ATG3: variants seen among roughly 807,000 people sequenced by gnomAD.
ATG3 encodes the protein autophagy related 3.
ATG3 carries 25 observed loss-of-function variants against 50.7 expected under a neutral mutation model. The observed-to-expected ratio is 0.49, with a 90% CI of 0.36 to 0.69. The LOEUF is 0.69. Ranked by LOEUF, ATG3 falls within the 30% of genes least tolerant of loss-of-function variation. The pLI is 0.00. For synonymous variants in ATG3, 119 were observed against 125.5 expected (o/e 0.95, Z 0.34); for missense variants, 281 against 376.0 (o/e 0.75, Z 2.09).
In ATG3 at chr3:112,532,692, C is replaced by T; in HGVS notation, c.*7G>A. 1 of 1,557,166 alleles carries T rather than the reference C, an allele frequency of 6.4e-7. No homozygotes were observed. Among genetic ancestry groups the T allele is most frequent in the South Asian group, 1.2e-5 (1 of 83,162 alleles). ...CAATAATTAGGATAGATTTTATGCT[C>T]TCTTCATTACATTGTGAAGTGTCTT... On this transcript the variant is annotated 3_prime_UTR_variant, in exon 12 of 12. Transcript: ENST00000283290.
chr3:112,557,161 G>A (rs867966679), intron 2 of ATG3, among the ~76,000 whole-genome samples: 2 of 135,584 alleles, frequency 1.5e-5, no homozygotes, highest in East Asian at 2.1e-4. Context: ...TTTTTCAGAC[G>A]GAGTCTCGTT....
chr3:112,557,654 C>G (rs948948307), intron 2 of ATG3, among the ~76,000 whole-genome samples: 2 of 152,058 alleles, frequency 1.3e-5, no homozygotes, highest in Non-Finnish European at 2.9e-5. Context: ...AGATTTGGAA[C>G]TAGACAAATT....
intron 6 of ATG3, among the ~76,000 whole-genome samples, chr3:112,543,419 T>A (rs1485942777): frequency 6.6e-6 from 1 of 152,096 alleles, no homozygotes; most frequent in Non-Finnish European, 1.5e-5. Flanking sequence ...AAAAAAACTC[T>A]ACCCAATTAT....
At chr3:112,538,489 G>A in intron 7 of ATG3, 1 of 246,628 alleles carries the variant, frequency 4.1e-6, no homozygotes, top group East Asian at 8.1e-5. Flanking sequence ...GAATCCAGTG[G>A]TAAATTCCCA....
rs1308262548 is a variant in ATG3 at position 112,536,596 on chromosome 3, G to A, written c.673C>T (p.Gln225Ter). The change falls in exon 10 of 12, where the codon CAG becomes TAG. Residue 225 changes from glutamine (Q) to a stop codon, truncating the protein, a stop_gained. Transcript: ENST00000283290. LOFTEE classifies it high-confidence loss of function. ...LWLFGYDEQR[Q>*]PLTVEHMYED... ...TACATGTGCTCAACTGTTAAAGGCT[G>A]CCGTTGCTGAAAGCATAAAAAATGC... 2 of 1,613,990 alleles carry A rather than the reference G, an allele frequency of 1.2e-6. No homozygotes were observed. The highest frequency in any genetic ancestry group is 1.7e-6 in the Non-Finnish European group (2 of 1,179,922).
intron 11 of ATG3, chr3:112,533,127 A>C: frequency 2.0e-6 from 2 of 999,184 alleles, no homozygotes; most frequent in Non-Finnish European, 2.4e-6. Context: ...GAGTTATGTC[A>C]GAAAATGAGG....
intron 2 of ATG3, among the ~76,000 whole-genome samples, chr3:112,555,810 T>C (rs544698159): frequency 1.4e-4 from 21 of 152,360 alleles, no homozygotes; most frequent in Middle Eastern, 6.8e-3. Flanking sequence ...TGGGCTAATT[T>C]GGCCTTGGAT....
rs993056224 is a variant in ATG3, at chr3:112,536,959, A to G, written c.667-357T>C. ...AAAAAAAAAAAAAAAAAAAAAAAAA[A>G]AAAGAAATTACTATTTAGAAACTTT... is the stretch of plus-strand genomic sequence containing the variant. On this transcript the variant is annotated intron_variant, in intron 9 of 11. Coordinates refer to ENST00000283290, the MANE Select transcript of ATG3 (RefSeq NM_022488.5). Among the ~76,000 whole-genome samples, 61 of 128,134 alleles carry G rather than the reference A, an allele frequency of 4.8e-4. No individual in the cohort carries two copies. In the East Asian group the frequency reaches 0.012, roughly 24 times the overall value. The allele number at this position is 128,134 out of a possible 152,430, so 84.1% of individuals were successfully genotyped here. A position where few individuals can be genotyped will look rare whatever the true frequency, so the allele number is the denominator to read the frequency against.
chr3:112,532,777 A>C lies in ATG3; in HGVS notation c.867T>G (p.Tyr289Ter). The change falls in exon 12 of 12, where the codon TAT becomes TAG. Residue 289 changes from tyrosine to a stop codon, truncating the protein, a stop_gained. Coordinates refer to ENST00000283290, the MANE Select transcript of ATG3 (RefSeq NM_022488.5). LOFTEE classifies it high-confidence loss of function. ...GTACAAATTTCAAGAAAATAAGAAG[A>C]TACCTAAAGGTTTTTAGCTAAGGAA... ...EGGGELGVHM[Y>*]LLIFLKFVQA... 6.3e-7 allele frequency: 1 copy of C among 1,591,948 alleles called. No individual in the cohort carries two copies. The highest frequency in any genetic ancestry group is 8.6e-7 in the Non-Finnish European group (1 of 1,168,724).
At position 112,561,626 on chromosome 3, in the gene ATG3, G is replaced by C. The variant is rs1214478553; in HGVS notation, c.-98C>G. 2 of 1,257,904 alleles carry C rather than the reference G, an allele frequency of 1.6e-6. No homozygotes were observed. Among genetic ancestry groups the C allele is most frequent in the South Asian group, 1.3e-5 (1 of 77,126 alleles). 77.9% of individuals were successfully genotyped at this position (1,257,904 alleles called of 1,614,324 possible). A position where few individuals can be genotyped will look rare whatever the true frequency, so the allele number is the denominator to read the frequency against. ...AAAATGTCCTCGCTGCCACCGACTC[G>C]CATCAGCACCCGGCTGGCAGCACCC... On this transcript the variant is annotated 5_prime_UTR_variant, in exon 1 of 12. Coordinates refer to ENST00000283290, the MANE Select transcript of ATG3 (RefSeq NM_022488.5).
rs540455038 is a variant in ATG3 at position 112,545,232 on chromosome 3, A to C, written c.344-1126T>G. ...TCCATACAAGCTAACTTTTGGTTCA[A>C]TTCTCTTGCACTCTACGGGGCAAAT... is the stretch of plus-strand genomic sequence containing the variant. On this transcript the variant is annotated intron_variant, in intron 5 of 11. Transcript: ENST00000283290. Among the ~76,000 whole-genome samples the C allele has an allele frequency of 5.0e-4, 76 of 152,308 alleles. No homozygotes were observed. The Middle Eastern group carries it at 0.014, about 27-fold the overall frequency.
At chr3:112,555,580 A>G (rs1317037951) in intron 2 of ATG3, among the ~76,000 whole-genome samples, 1 of 152,242 alleles carries the variant, frequency 6.6e-6, no homozygotes, top group Non-Finnish European at 1.5e-5. Context: ...CTTTTTAAGC[A>G]CAATACTGCC....
chr3:112,558,106 A>G (rs1226741190), intron 2 of ATG3: 3 of 416,148 alleles, frequency 7.2e-6, no homozygotes, highest in South Asian at 3.2e-5. Flanking sequence ...CAAGTCAAGG[A>G]TAAGTGACAT....
chr3:112,537,966 C>T, intron 8 of ATG3, 76 bp from the exon 9 acceptor site: 1 of 1,401,704 alleles, frequency 7.1e-7, no homozygotes, highest in Non-Finnish European at 9.7e-7. Context: ...CTTATTTTTT[C>T]CATTCTATAT....
intron 3 of ATG3, among the ~76,000 whole-genome samples, chr3:112,551,266 C>T (rs1031334098): frequency 1.3e-5 from 2 of 152,176 alleles, no homozygotes; most frequent in African/African-American, 4.8e-5. Flanking sequence ...TATTATTTGA[C>T]GGCCTTCTAG....
rs1258024905 is a variant in ATG3 at position 112,561,440 on chromosome 3, A to G, written c.72+17T>C. 3.7e-6 allele frequency: 6 copies of G among 1,606,272 alleles called. No individual in the cohort carries two copies. The highest frequency in any genetic ancestry group is 2.7e-5 in the African/African-American group (2 of 74,612). On this transcript the variant is annotated intron_variant, in intron 1 of 11. Transcript: ENST00000283290. ...AGCATGTGCCTGACAGCTCCCGGCAACCCTGGCCTGGCTTACCTTGAGGAC... is the reference window on the plus strand; with the variant it reads ...AGCATGTGCCTGACAGCTCCCGGCAGCCCTGGCCTGGCTTACCTTGAGGAC...
chr3:112,546,850 G>A (rs1366476422), intron 5 of ATG3, among the ~76,000 whole-genome samples: 1 of 152,220 alleles, frequency 6.6e-6, no homozygotes, highest in Non-Finnish European at 1.5e-5. Flanking sequence ...CGGGGGGAAA[G>A]AAGGATGATT....
At chr3:112,552,892 C>A (rs34949685) in intron 3 of ATG3, among the ~76,000 whole-genome samples, 1 of 151,944 alleles carries the variant, frequency 6.6e-6, no homozygotes. Context: ...GTGATCTGCC[C>A]GCCTCAGCCT....
At chr3:112,539,477 G>A (rs770629264) in intron 7 of ATG3, among the ~76,000 whole-genome samples, 9 of 152,070 alleles carry the variant, frequency 5.9e-5, no homozygotes, top group Non-Finnish European at 1.0e-4. Context: ...TTTAAATGGC[G>A]TGTACTTTCA....
Sources: allele counts gnomAD v4.1 joint callset (sites outside exome capture counted in the v4.1 genomes callset), GRCh38; gene constraint gnomAD v4.1.1; transcripts MANE v1.5; gene names NCBI Gene and HGNC (gene_info 2026-07-23, HGNC 2026-07-21).